Variants in CDKAL1 observed in about 807,000 individuals in gnomAD.
CDKAL1 encodes CDKAL1 threonylcarbamoyladenosine tRNA methylthiotransferase, also known as threonylcarbamoyladenosine tRNA methylthiotransferase.
Under a neutral mutation model 68.2 loss-of-function variants are expected in CDKAL1, and 32 were observed. That is an observed-to-expected ratio of 0.47 (90% CI 0.35 to 0.63). The LOEUF (loss-of-function observed/expected upper bound fraction) is 0.63, where lower values mean the gene tolerates loss of function less well. CDKAL1 is among the 30% of genes least tolerant of loss of function. CDKAL1 has a pLI of 0.00. For missense variants in CDKAL1, 606 were observed against 696.7 expected, an observed-to-expected ratio of 0.87 and a Z score of 1.47; for synonymous variants, 234 against 244.3, an observed-to-expected ratio of 0.96 and a Z score of 0.39.
At chr6:21,123,831 T>G (rs1012090587) in intron 13 of CDKAL1, among the ~76,000 whole-genome samples, 1 of 152,216 alleles carries the variant, frequency 6.6e-6, no homozygotes, top group Non-Finnish European at 1.5e-5. Flanking sequence ...AAACCTATTA[T>G]CTCCTTCTGA....
In CDKAL1 at chr6:20,786,592, G is replaced by A. The variant is rs974535410; in HGVS notation, c.638+5327G>A. 2.0e-5 allele frequency among the ~76,000 whole-genome samples: 3 copies of A among 150,412 alleles called. No individual in the cohort carries two copies. The Admixed American group carries it at 2.0e-4, about 10-fold the overall frequency. On this transcript the variant is annotated intron_variant, in intron 8 of 15. Coordinates refer to ENST00000274695, the MANE Select transcript of CDKAL1 (RefSeq NM_017774.3). ...AGCTCACTGCAAGCTCCGCCTCCCG[G>A]GTTCAAGCGATTCTCCTGCCTCAGC...
intron 11 of CDKAL1, among the ~76,000 whole-genome samples, chr6:21,040,505 A>G (rs1306395467): frequency 5.3e-5 from 8 of 152,076 alleles, no homozygotes; most frequent in Non-Finnish European, 1.2e-4. Flanking sequence ...ATAATAGGTT[A>G]TTACCAATTA....
chr6:21,072,750 TAG>T (rs1771859520), intron 12 of CDKAL1, among the ~76,000 whole-genome samples: 1 of 147,462 alleles, frequency 6.8e-6, no homozygotes, highest in Non-Finnish European at 1.5e-5. Context: ...AAATAACACA[TAG>T]AGTTGCTATA....
chr6:20,988,382 T>C (rs1766602280), intron 10 of CDKAL1, among the ~76,000 whole-genome samples: 1 of 152,104 alleles, frequency 6.6e-6, no homozygotes, highest in African/African-American at 2.4e-5. Flanking sequence ...CCAGAAATAA[T>C]GTTTTATCAG....
At chr6:21,043,026 TGAA>T (rs1274451603) in intron 11 of CDKAL1, among the ~76,000 whole-genome samples, 1 of 152,190 alleles carries the variant, frequency 6.6e-6, no homozygotes, top group Non-Finnish European at 1.5e-5. Flanking sequence ...GGAAAGCACT[TGAA>T]CCTCACACAA....
intron 4 of CDKAL1, among the ~76,000 whole-genome samples, chr6:20,552,037 G>GA (rs1295877569): frequency 0.013 from 1,234 of 95,844 alleles, 6 homozygotes; most frequent in South Asian, 0.04. Flanking sequence ...ATACCCTAAG[G>GA]AAAAAAAAAA....
chr6:21,032,222 G>A (rs977826438), intron 11 of CDKAL1, among the ~76,000 whole-genome samples: 1 of 152,050 alleles, frequency 6.6e-6, no homozygotes, highest in Non-Finnish European at 1.5e-5. Context: ...TGCGAGCTTT[G>A]TATTTGTATT....
At chr6:21,128,458 C>T (rs1310881963) in intron 13 of CDKAL1, among the ~76,000 whole-genome samples, 1 of 152,132 alleles carries the variant, frequency 6.6e-6, no homozygotes, top group African/African-American at 2.4e-5. Flanking sequence ...ATTTTACTAC[C>T]TCATTGGGTT....
chr6:21,031,442 C>A (rs1329835253), intron 11 of CDKAL1, among the ~76,000 whole-genome samples: 1 of 151,882 alleles, frequency 6.6e-6, no homozygotes, highest in Non-Finnish European at 1.5e-5. Context: ...ACCTTAAGTA[C>A]ATCTGTAAGA....
At chr6:20,573,500 A>C (rs1764788839) in intron 4 of CDKAL1, among the ~76,000 whole-genome samples, 1 of 152,170 alleles carries the variant, frequency 6.6e-6, no homozygotes, top group African/African-American at 2.4e-5. Flanking sequence ...ATTGTATCTG[A>C]TACATCAGCA....
At chr6:20,584,848 A>C (rs1357331048) in intron 4 of CDKAL1, among the ~76,000 whole-genome samples, 1 of 152,138 alleles carries the variant, frequency 6.6e-6, no homozygotes, top group African/African-American at 2.4e-5. Context: ...AATTTATTTC[A>C]TGTAGACTCT....
chr6:21,195,501 A>ATTTG (rs1464850477), intron 13 of CDKAL1, among the ~76,000 whole-genome samples: 23 of 142,564 alleles, frequency 1.6e-4, no homozygotes, highest in Non-Finnish European at 3.0e-4. Flanking sequence ...TTATTTATTT[A>ATTTG]TTTATTTATT....
chr6:20,757,069 G>A (rs1774248442), intron 6 of CDKAL1, among the ~76,000 whole-genome samples: 2 of 151,790 alleles, frequency 1.3e-5, no homozygotes, highest in African/African-American at 4.8e-5. Context: ...GAGTAGCTGG[G>A]ACTAAGGCAT....
intron 8 of CDKAL1, among the ~76,000 whole-genome samples, chr6:20,816,217 A>G (rs998433248): frequency 5.9e-5 from 9 of 151,658 alleles, no homozygotes; most frequent in African/African-American, 2.2e-4. Flanking sequence ...TATATCTACA[A>G]AGACCCTGTT....
intron 9 of CDKAL1, among the ~76,000 whole-genome samples, chr6:20,901,803 GTC>G (rs746030264): frequency 1.3e-4 from 19 of 151,390 alleles, no homozygotes; most frequent in Non-Finnish European, 2.4e-4. Context: ...CTGAGACAGA[GTC>G]TCTCTCTGTC....
intron 13 of CDKAL1, among the ~76,000 whole-genome samples, chr6:21,191,564 C>G (rs1485145704): frequency 6.6e-6 from 1 of 152,154 alleles, no homozygotes; most frequent in Non-Finnish European, 1.5e-5. Context: ...AAATAGGAAG[C>G]ATTGAGTAGT....
intron 9 of CDKAL1, among the ~76,000 whole-genome samples, chr6:20,885,496 A>C (rs1388771797): frequency 5.9e-5 from 9 of 152,186 alleles, no homozygotes; most frequent in Non-Finnish European, 8.8e-5. Context: ...CCATGTACAA[A>C]AATCAACTCA....
chr6:20,721,735 T>G (rs1010774399), intron 5 of CDKAL1, among the ~76,000 whole-genome samples: 1 of 138,438 alleles, frequency 7.2e-6, no homozygotes, highest in African/African-American at 2.8e-5. Context: ...GTTTTTTTTT[T>G]TTTTTTTTTT....
intron 8 of CDKAL1, among the ~76,000 whole-genome samples, chr6:20,804,708 G>C (rs1776495144): frequency 6.6e-6 from 1 of 152,146 alleles, no homozygotes; most frequent in Non-Finnish European, 1.5e-5. Context: ...AGTCAATAGA[G>C]CAGGTCTGGG....
Sources: gnomAD v4.1 joint callset for allele counts (sites outside exome capture counted in the v4.1 genomes callset) on GRCh38, gnomAD v4.1.1 for gene constraint, MANE v1.5 for transcripts, NCBI Gene and HGNC (gene_info 2026-07-23, HGNC 2026-07-21) for gene names.